The following PCDH11X variants were observed in gnomAD, a reference collection of about 807,000 sequenced individuals.
PCDH11X encodes protocadherin 11 X-linked.
Under a neutral mutation model 53.3 loss-of-function variants are expected in PCDH11X, and 18 were observed. The observed-to-expected ratio is 0.34, with a 90% CI of 0.23 to 0.50. PCDH11X has a LOEUF of 0.50. Among genes scored for constraint, PCDH11X ranks in the 20% least tolerant of loss-of-function variants. The pLI is 0.98. For missense variants in PCDH11X, 570 were observed against 1,032.4 expected, an observed-to-expected ratio of 0.55 and a Z score of 6.14; for synonymous variants, 279 against 393.3, an observed-to-expected ratio of 0.71 and a Z score of 3.44.
intron 10 of PCDH11X, among the ~76,000 whole-genome samples, chrX:92,475,025 C>T (rs1171717201): frequency 2.5e-4 from 26 of 102,656 alleles, no homozygotes; most frequent in East Asian, 1.3e-3. Context: ...ATTAGCCGGG[C>T]GTAGTGGCGG....
At chrX:92,137,655 A>T (rs1369267126) in intron 6 of PCDH11X, among the ~76,000 whole-genome samples, 4 of 110,236 alleles carry the variant, frequency 3.6e-5, no homozygotes, top group African/African-American at 1.3e-4. Flanking sequence ...CCTCAACCCC[A>T]AAAGAAACAC....
chrX:92,217,184 T>C (rs1342445527), intron 7 of PCDH11X, among the ~76,000 whole-genome samples: 4 of 110,273 alleles, frequency 3.6e-5, no homozygotes, highest in African/African-American at 1.3e-4. Flanking sequence ...AATAACAGGA[T>C]CAAATTCACA....
intron 10 of PCDH11X, among the ~76,000 whole-genome samples, chrX:92,584,577 C>T (rs926022530): frequency 1.8e-5 from 2 of 109,706 alleles, no homozygotes; most frequent in African/African-American, 6.6e-5. Flanking sequence ...GATACATAAT[C>T]GAAATAGTTC....
chrX:91,972,616 G>A (rs1210496820), intron 6 of PCDH11X, among the ~76,000 whole-genome samples: 1 of 106,044 alleles, frequency 9.4e-6, no homozygotes, highest in African/African-American at 3.5e-5. Flanking sequence ...ATCTTGAATT[G>A]ATTTTTGTAT....
chrX:91,825,030 G>A (rs1028434221), intron 4 of PCDH11X, among the ~76,000 whole-genome samples: 3 of 111,049 alleles, frequency 2.7e-5, no homozygotes, highest in Admixed American at 9.5e-5. Context: ...CAGTCTGCGT[G>A]TTCTCAGATC....
intron 4 of PCDH11X, among the ~76,000 whole-genome samples, chrX:91,821,307 A>G (rs1370974808): frequency 8.9e-4 from 97 of 109,102 alleles, no homozygotes; most frequent in Non-Finnish European, 1.5e-3. Context: ...ACCCATGAGC[A>G]TGGAATGTTC....
At chrX:91,980,546 C>T (rs2062112749) in intron 6 of PCDH11X, among the ~76,000 whole-genome samples, 1 of 110,967 alleles carries the variant, frequency 9.0e-6, no homozygotes, top group Admixed American at 9.7e-5. Context: ...CTCAAGCAAT[C>T]CTCCTGCCTC....
At chrX:92,274,036 T>A (rs2068021169) in intron 8 of PCDH11X, among the ~76,000 whole-genome samples, 1 of 106,149 alleles carries the variant, frequency 9.4e-6, no homozygotes, top group East Asian at 3.1e-4. Context: ...CTGAGAATGG[T>A]GAATAGGAGT....
At chrX:92,227,575 C>T (rs745624323) in intron 7 of PCDH11X, among the ~76,000 whole-genome samples, 1 of 111,593 alleles carries the variant, frequency 9.0e-6, no homozygotes, top group Non-Finnish European at 1.9e-5. Flanking sequence ...ATCTCCCAAA[C>T]TTAAATAACA....
intron 8 of PCDH11X, among the ~76,000 whole-genome samples, chrX:92,345,918 G>A (rs2522693): frequency 2.8e-5 from 3 of 107,832 alleles, no homozygotes; most frequent in African/African-American, 1.0e-4. Context: ...AAAAGTACTA[G>A]CTTCTAATGT....
chrX:92,187,250 C>T (rs765559182), intron 6 of PCDH11X, among the ~76,000 whole-genome samples: 38 of 111,490 alleles, frequency 3.4e-4, no homozygotes, highest in African/African-American at 1.2e-3. Context: ...ATTTTAGAGG[C>T]TACCCGCAGT....
intron 10 of PCDH11X, among the ~76,000 whole-genome samples, chrX:92,505,381 G>A (rs1298270488): frequency 9.2e-6 from 1 of 109,121 alleles, no homozygotes; most frequent in Non-Finnish European, 1.9e-5. Context: ...TTTGTGTATG[G>A]TATAAGGAAG....
chrX:92,259,420 G>T (rs1378744572), intron 7 of PCDH11X, among the ~76,000 whole-genome samples: 1 of 111,171 alleles, frequency 9.0e-6, no homozygotes, highest in Non-Finnish European at 1.9e-5. Context: ...GAAGGCAAAG[G>T]GGTAGCAGCA....
chrX:92,215,344 C>A lies in PCDH11X; in HGVS notation c.3114+13889C>A, dbSNP rs1404703866. On this transcript the variant is annotated intron_variant, in intron 7 of 10. Transcript: ENST00000682573. The stretch of plus-strand genomic sequence containing the variant: ...GGCACCTGGAAAATCGGGTCACTCC[C>A]ACCCTAATACTGCGCTTTTCCGATG... Among the ~76,000 whole-genome samples, 15 of 107,223 alleles carry A rather than the reference C, an allele frequency of 1.4e-4. No homozygotes were observed. The Admixed American group carries it at 1.5e-3, about 11-fold the overall frequency. 93.1% of individuals were successfully genotyped at this position (107,223 alleles called of 115,157 possible).
intron 9 of PCDH11X, among the ~76,000 whole-genome samples, chrX:92,451,922 A>G (rs1204001917): frequency 9.2e-6 from 1 of 109,095 alleles, no homozygotes; most frequent in Admixed American, 9.9e-5. Flanking sequence ...AATGGGTATT[A>G]AAGTTTCATC....
intron 6 of PCDH11X, among the ~76,000 whole-genome samples, chrX:92,016,318 C>T (rs766973007): frequency 9.3e-6 from 1 of 107,980 alleles, no homozygotes; most frequent in South Asian, 4.2e-4. Flanking sequence ...TGCATTAGGC[C>T]CTAACAAGAG....
intron 7 of PCDH11X, among the ~76,000 whole-genome samples, chrX:92,250,952 TA>T (rs745314334): frequency 3.4e-4 from 37 of 110,144 alleles, no homozygotes; most frequent in African/African-American, 1.1e-3. Flanking sequence ...GTGAATATAG[TA>T]AAAAAAACCT....
intron 8 of PCDH11X, among the ~76,000 whole-genome samples, chrX:92,338,928 A>C: frequency 8.9e-6 from 1 of 112,082 alleles, no homozygotes; most frequent in Middle Eastern, 4.7e-3. Context: ...ATATGAAGAC[A>C]ATATGGAAGC....
At chrX:92,536,548 T>C (rs772183922) in intron 10 of PCDH11X, among the ~76,000 whole-genome samples, 1 of 110,694 alleles carries the variant, frequency 9.0e-6, no homozygotes, top group Admixed American at 9.7e-5. Flanking sequence ...ATCTTCTCCA[T>C]ATTGTTTATA....
Sources: allele counts gnomAD v4.1 joint callset (sites outside exome capture counted in the v4.1 genomes callset), GRCh38; gene constraint gnomAD v4.1.1; transcripts MANE v1.5; gene names NCBI Gene and HGNC (gene_info 2026-07-23, HGNC 2026-07-21).